The following GRID2 variants were observed in gnomAD, a reference collection of about 807,000 sequenced individuals.
GRID2 encodes glutamate receptor ionotropic, delta-2.
Under a neutral mutation model 114.8 loss-of-function variants are expected in GRID2, and 33 were observed. The ratio of observed to expected loss-of-function variants is 0.29; its 90% confidence interval spans 0.22 to 0.38. GRID2 has a LOEUF of 0.38. Ranked by LOEUF, GRID2 falls within the 10% of genes least tolerant of loss-of-function variation. GRID2 has a pLI of 1.00. For missense variants in GRID2, 1,184 were observed against 1,257.7 expected (o/e 0.94, Z 0.89); for synonymous variants, 505 against 449.9 (o/e 1.12, Z -1.55).
intron 12 of GRID2, among the ~76,000 whole-genome samples, chr4:93,505,448 TGAGATAAATAAGTATTGCA>T (rs1221737548): frequency 6.6e-6 from 1 of 151,708 alleles, no homozygotes; most frequent in African/African-American, 2.4e-5. Context: ...CCTAGTGTCT[TGAGATAAATAAGTATTGCA>T]GCTTTTTTAT....
At chr4:93,305,634 T>C (rs147125739) in intron 8 of GRID2, among the ~76,000 whole-genome samples, 1,626 of 152,114 alleles carry the variant, frequency 0.011, 14 homozygotes, top group Non-Finnish European at 0.016. Context: ...AAAAAGAATA[T>C]GGAAACAATG....
At chr4:93,347,793 G>C (rs1343320239) in intron 8 of GRID2, among the ~76,000 whole-genome samples, 4 of 152,096 alleles carry the variant, frequency 2.6e-5, no homozygotes, top group Admixed American at 2.0e-4. Context: ...AAAGTAGCTA[G>C]ATTCAGTCCC....
intron 2 of GRID2, among the ~76,000 whole-genome samples, chr4:92,771,565 G>A (rs1289392509): frequency 6.6e-6 from 1 of 152,168 alleles, no homozygotes; most frequent in African/African-American, 2.4e-5. Flanking sequence ...AATCAAATGA[G>A]AGTTGCCTTT....
At chr4:92,562,364 C>T (rs1227418156) in intron 1 of GRID2, among the ~76,000 whole-genome samples, 1 of 152,110 alleles carries the variant, frequency 6.6e-6, no homozygotes, top group Non-Finnish European at 1.5e-5. Context: ...TAATAATTTC[C>T]AGTGCTAATT....
At chr4:92,583,243 C>T (rs1295682603) in intron 1 of GRID2, among the ~76,000 whole-genome samples, 1 of 151,886 alleles carries the variant, frequency 6.6e-6, no homozygotes, top group African/African-American at 2.4e-5. Flanking sequence ...TAGTACAGTT[C>T]CTAGTACTAA....
intron 11 of GRID2, among the ~76,000 whole-genome samples, chr4:93,488,414 G>A (rs1051945738): frequency 6.6e-6 from 1 of 151,792 alleles, no homozygotes. Flanking sequence ...TATAACCAAA[G>A]GGTGTACTTA....
chr4:92,410,742 AT>A lies in GRID2; in HGVS notation c.88+106003del, dbSNP rs1250881638. Among the ~76,000 whole-genome samples the A allele has an allele frequency of 1.1e-4, 16 of 151,484 alleles. No individual in the cohort carries two copies. The East Asian group carries it at 3.1e-3, about 29-fold the overall frequency. On this transcript the variant is annotated intron_variant, in intron 1 of 15. Coordinates refer to ENST00000282020, the MANE Select transcript of GRID2 (RefSeq NM_001510.4). ...TTATCTGAAACTCTTGGGGGCAGAT[AT>A]TTTTCAGAATTCAGAAAAAATTGTA...
intron 1 of GRID2, among the ~76,000 whole-genome samples, chr4:92,569,759 A>T (rs1727519898): frequency 6.6e-6 from 1 of 152,038 alleles, no homozygotes; most frequent in South Asian, 2.1e-4. Flanking sequence ...GGCTACATGT[A>T]TGCCTTCTTT....
At chr4:92,697,525 A>T (rs1219747088) in intron 2 of GRID2, among the ~76,000 whole-genome samples, 1 of 152,174 alleles carries the variant, frequency 6.6e-6, no homozygotes, top group East Asian at 1.9e-4. Flanking sequence ...AAGAAGAGAT[A>T]ACTGGCATGA....
Position 92,771,680 on chromosome 4 carries a change from T to G in GRID2, c.244+181394T>G, listed in dbSNP as rs542132912. On this transcript the variant is annotated intron_variant, in intron 2 of 15. Coordinates refer to ENST00000282020, the MANE Select transcript of GRID2 (RefSeq NM_001510.4). ...CTAGTTTCAGAGGCTAGAATTCCCT[T>G]AATTAGTTTAAACAGAAAAATATTT... Among the ~76,000 whole-genome samples, 3 of 152,318 alleles carry G rather than the reference T, an allele frequency of 2.0e-5. No individual in the cohort carries two copies. The South Asian group carries it at 6.2e-4, about 32-fold the overall frequency.
At chr4:93,297,719 T>C (rs1754465859) in intron 8 of GRID2, among the ~76,000 whole-genome samples, 1 of 152,228 alleles carries the variant, frequency 6.6e-6, no homozygotes, top group South Asian at 2.1e-4. Context: ...TATTGGCTAA[T>C]ATCATGATCA....
chr4:92,560,320 A>C (rs548485778), intron 1 of GRID2, among the ~76,000 whole-genome samples: 41 of 152,292 alleles, frequency 2.7e-4, no homozygotes, highest in African/African-American at 9.4e-4. Context: ...TTAGCATGGC[A>C]GAGGGTAGGC....
intron 10 of GRID2, among the ~76,000 whole-genome samples, chr4:93,431,428 A>C (rs527512235): frequency 6.6e-6 from 1 of 152,330 alleles, no homozygotes; most frequent in African/African-American, 2.4e-5. Context: ...AGAAGAATTT[A>C]TGAAAAAAAA....
At chr4:92,992,279 T>C (rs1754954188) in intron 2 of GRID2, among the ~76,000 whole-genome samples, 2 of 152,142 alleles carry the variant, frequency 1.3e-5, no homozygotes, top group South Asian at 4.1e-4. Context: ...GGGGGCATTA[T>C]AGTGATGTCT....
chr4:92,316,105 A>C (rs1248898265), intron 1 of GRID2, among the ~76,000 whole-genome samples: 1 of 151,896 alleles, frequency 6.6e-6, no homozygotes, highest in Non-Finnish European at 1.5e-5. Context: ...TAATCTCTGC[A>C]ATCTGACAAC....
intron 1 of GRID2, among the ~76,000 whole-genome samples, chr4:92,434,957 A>G (rs555095150): frequency 6.6e-6 from 1 of 152,334 alleles, no homozygotes; most frequent in Non-Finnish European, 1.5e-5. Flanking sequence ...GGAATTCAAC[A>G]ATTCAAATGT....
intron 12 of GRID2, among the ~76,000 whole-genome samples, chr4:93,496,928 A>G (rs904691095): frequency 1.3e-5 from 2 of 151,814 alleles, no homozygotes; most frequent in African/African-American, 2.4e-5. Flanking sequence ...TGTGTTAAGT[A>G]TATATTTGTT....
intron 14 of GRID2, among the ~76,000 whole-genome samples, chr4:93,665,539 G>A (rs956691323): frequency 6.6e-6 from 1 of 152,144 alleles, no homozygotes; most frequent in African/African-American, 2.4e-5. Flanking sequence ...AGTCAAAACT[G>A]CTTCACTTCC....
intron 11 of GRID2, among the ~76,000 whole-genome samples, chr4:93,487,111 T>TA (rs1226952923): frequency 6.6e-6 from 1 of 151,840 alleles, no homozygotes; most frequent in Non-Finnish European, 1.5e-5. Context: ...AATTTGTACA[T>TA]AAGTTATCCT....
Sources: allele counts gnomAD v4.1 joint callset (sites outside exome capture counted in the v4.1 genomes callset), GRCh38; gene constraint gnomAD v4.1.1; transcripts MANE v1.5; gene names NCBI Gene and HGNC (gene_info 2026-07-23, HGNC 2026-07-21).